Variants in ADAM12 observed in about 807,000 individuals in gnomAD.
The protein encoded by ADAM12 is disintegrin and metalloproteinase domain-containing protein 12.
ADAM12 carries 70 observed loss-of-function variants against 106.4 expected under a neutral mutation model. The observed-to-expected ratio is 0.66, with a 90% CI of 0.54 to 0.80. ADAM12 has a LOEUF of 0.80. Among genes scored for constraint, ADAM12 ranks in the 30% least tolerant of loss-of-function variants. The pLI is 0.00. For synonymous variants in ADAM12, 420 were observed against 433.5 expected (o/e 0.97, Z 0.39); for missense variants, 1,010 against 1,171.9 (o/e 0.86, Z 2.02).
At chr10:126,100,023 TTG>T (rs1160154366) in intron 9 of ADAM12, among the ~76,000 whole-genome samples, 1 of 152,198 alleles carries the variant, frequency 6.6e-6, no homozygotes, top group African/African-American at 2.4e-5. Flanking sequence ...TCAACAATTT[TTG>T]TGTTATAATA....
At chr10:126,377,958 GGAAA>G (rs1319272765) in intron 1 of ADAM12, among the ~76,000 whole-genome samples, 2 of 152,116 alleles carry the variant, frequency 1.3e-5, no homozygotes, top group African/African-American at 4.8e-5. Context: ...TCGGAGCTCA[GGAAA>G]GAGAGGAGGA....
intron 6 of ADAM12, among the ~76,000 whole-genome samples, chr10:126,110,849 A>G (rs1275529704): frequency 6.6e-6 from 1 of 152,234 alleles, no homozygotes; most frequent in Non-Finnish European, 1.5e-5. Flanking sequence ...TTCTGCCATA[A>G]AATGCAGTTG....
chr10:126,285,068 G>T (rs1959786861), intron 2 of ADAM12, among the ~76,000 whole-genome samples: 1 of 152,226 alleles, frequency 6.6e-6, no homozygotes, highest in South Asian at 2.1e-4. Context: ...GAGGGAGCCA[G>T]CAGGTAAGAG....
chr10:126,211,034 G>A (rs1288117189), intron 3 of ADAM12, among the ~76,000 whole-genome samples: 1 of 152,058 alleles, frequency 6.6e-6, no homozygotes. Context: ...TGCCACTCAG[G>A]CACCTTACAC....
chr10:126,091,861 G>A (rs1157296761), intron 11 of ADAM12, among the ~76,000 whole-genome samples: 1 of 151,976 alleles, frequency 6.6e-6, no homozygotes, highest in Non-Finnish European at 1.5e-5. Context: ...ACGAGCACAG[G>A]GGTCAAAAAT....
chr10:126,358,411 T>C (rs1409334332), intron 1 of ADAM12, among the ~76,000 whole-genome samples: 1 of 152,166 alleles, frequency 6.6e-6, no homozygotes, highest in Non-Finnish European at 1.5e-5. Flanking sequence ...ATCATCTCAT[T>C]AGATGAAGAG....
rs746814288 is a variant in ADAM12, at chr10:126,064,486, C to T, written c.1609+320G>A. On this transcript the variant is annotated intron_variant, in intron 14 of 22. Coordinates refer to ENST00000448723, the MANE Select transcript of ADAM12 (RefSeq NM_001288973.2). This position sits in a 1 kb window ranked among gnomAD's most constrained non-coding sequence, Gnocchi z 4.4. ...ACGCAGTAGGTGCTCCTGCAGCTCCCGTATCTCCCGGGGCACACAGGTGCT... is the reference window on the plus strand; with the variant it reads ...ACGCAGTAGGTGCTCCTGCAGCTCCTGTATCTCCCGGGGCACACAGGTGCT... 7.3e-5 allele frequency among the ~76,000 whole-genome samples: 11 copies of T among 151,662 alleles called. No individual in the cohort carries two copies. Among genetic ancestry groups the T allele is most frequent in the Non-Finnish European group, 1.5e-4 (10 of 67,858 alleles).
chr10:126,244,114 T>C (rs1250633688), intron 3 of ADAM12, among the ~76,000 whole-genome samples: 1 of 152,176 alleles, frequency 6.6e-6, no homozygotes, highest in African/African-American at 2.4e-5. Flanking sequence ...GGTTTGATGG[T>C]CTTGAATACT....
rs1445545398 is a variant in ADAM12 at position 126,016,155 on chromosome 10, T to C, written c.*1124A>G. 1 of 152,176 alleles carries C rather than the reference T, an allele frequency of 6.6e-6. No homozygotes were observed. Among genetic ancestry groups the C allele is most frequent in the Non-Finnish European group, 1.5e-5 (1 of 68,016 alleles). 9.4% of individuals were successfully genotyped at this position (152,176 alleles called of 1,614,324 possible). A position where few individuals can be genotyped will look rare whatever the true frequency, so the allele number is the denominator to read the frequency against. On this transcript the variant is annotated 3_prime_UTR_variant, in exon 23 of 23. Coordinates refer to ENST00000448723, the MANE Select transcript of ADAM12 (RefSeq NM_001288973.2). The stretch of plus-strand genomic sequence containing the variant: ...TTCTTTGTCCAATATCTACGAATAA[T>C]GATAGCAGACATGAACTATACCCAT...
At chr10:126,185,854 A>G (rs1242332766) in intron 3 of ADAM12, among the ~76,000 whole-genome samples, 1 of 152,208 alleles carries the variant, frequency 6.6e-6, no homozygotes, top group Non-Finnish European at 1.5e-5. Context: ...GGCCCCAGTT[A>G]TGAATCAACT....
chr10:126,033,342 C>A (rs529818296), intron 21 of ADAM12, among the ~76,000 whole-genome samples: 1 of 152,146 alleles, frequency 6.6e-6, no homozygotes, highest in African/African-American at 2.4e-5. Flanking sequence ...CAAAAAAATA[C>A]AAGGAGAAAT....
intron 3 of ADAM12, among the ~76,000 whole-genome samples, chr10:126,192,828 AT>A (rs1957527584): frequency 6.6e-6 from 1 of 152,218 alleles, no homozygotes; most frequent in African/African-American, 2.4e-5. Context: ...TCCTCCTCAA[AT>A]GGCCTTGACT....
chr10:126,130,447 C>T (rs1402108010), intron 5 of ADAM12, among the ~76,000 whole-genome samples: 9 of 152,208 alleles, frequency 5.9e-5, no homozygotes, highest in Admixed American at 5.9e-4. Context: ...CATCACCATT[C>T]CCATTCCCTC....
chr10:126,264,096 T>C (rs1262134576), intron 3 of ADAM12, among the ~76,000 whole-genome samples: 1 of 152,252 alleles, frequency 6.6e-6, no homozygotes, highest in Non-Finnish European at 1.5e-5. Flanking sequence ...TTGATATGAA[T>C]GTACAATACC....
chr10:126,375,626 T>C (rs1258221883), intron 1 of ADAM12, among the ~76,000 whole-genome samples: 3 of 145,064 alleles, frequency 2.1e-5, no homozygotes, highest in South Asian at 4.4e-4. Context: ...TAGGTATAAA[T>C]AATCCTACAA....
intron 5 of ADAM12, among the ~76,000 whole-genome samples, chr10:126,133,329 G>A (rs749125609): frequency 6.6e-6 from 1 of 152,136 alleles, no homozygotes; most frequent in Non-Finnish European, 1.5e-5. Flanking sequence ...GGATTTTGCT[G>A]CATCTTCAGT....
chr10:126,036,351 G>A (rs954016890), intron 20 of ADAM12, 26 bp from the exon 21 acceptor site: 4 of 1,555,982 alleles, frequency 2.6e-6, no homozygotes, highest in Non-Finnish European at 3.5e-6. Context: ...AAAAAGCCAT[G>A]CTATAGCGGG....
chr10:126,042,985 C>T, intron 18 of ADAM12, 55 bp downstream of exon 18: 7 of 1,552,082 alleles, frequency 4.5e-6, no homozygotes, highest in Non-Finnish European at 6.1e-6. Flanking sequence ...CTGGCGAGCC[C>T]ACCCGCCCCC....
chr10:126,243,978 T>G (rs1363183367), intron 3 of ADAM12, among the ~76,000 whole-genome samples: 1 of 152,196 alleles, frequency 6.6e-6, no homozygotes, highest in Non-Finnish European at 1.5e-5. Context: ...GGGATGACAT[T>G]GCACCAACTG....
Sources: gnomAD v4.1 joint callset for allele counts (sites outside exome capture counted in the v4.1 genomes callset) on GRCh38, gnomAD v4.1.1 for gene constraint, Gnocchi (gnomAD v3.1) non-coding constraint, MANE v1.5 for transcripts, NCBI Gene and HGNC (gene_info 2026-07-23, HGNC 2026-07-21) for gene names.